LSG1: variants seen among roughly 807,000 people sequenced by gnomAD.
The protein encoded by LSG1 is large 60S subunit nuclear export GTPase 1, also known as large subunit GTPase 1 homolog.
A neutral mutation model predicts 82.6 loss-of-function variants in LSG1; 55 were observed. That is an observed-to-expected ratio of 0.67 (90% CI 0.54 to 0.83). LSG1 has a LOEUF of 0.83. LSG1 is among the 40% of genes least tolerant of loss of function. LSG1 has a pLI of 0.00. For synonymous variants in LSG1, 272 were observed against 282.5 expected (o/e 0.96, Z 0.37); for missense variants, 809 against 807.9 (o/e 1.00, Z -0.02).
chr3:194,661,372 T>C (rs1718924212), intron 5 of LSG1, among the ~76,000 whole-genome samples: 1 of 152,238 alleles, frequency 6.6e-6, no homozygotes, highest in South Asian at 2.1e-4. Context: ...ACAAACATTA[T>C]GTTTACATAC....
At chr3:194,657,051 T>C (rs1718805111) in intron 7 of LSG1, among the ~76,000 whole-genome samples, 1 of 151,864 alleles carries the variant, frequency 6.6e-6, no homozygotes, top group South Asian at 2.1e-4. Flanking sequence ...TAATGCTAAA[T>C]GACAAGTTAA....
chr3:194,657,423 T>C (rs1309979126), intron 7 of LSG1, among the ~76,000 whole-genome samples: 3 of 151,434 alleles, frequency 2.0e-5, no homozygotes, highest in Non-Finnish European at 4.4e-5. Context: ...ACAAATATCT[T>C]TCCATATAAA....
chr3:194,669,371 C>A (rs1719097798), intron 2 of LSG1, among the ~76,000 whole-genome samples: 1 of 152,134 alleles, frequency 6.6e-6, no homozygotes, highest in South Asian at 2.1e-4. Flanking sequence ...ACACATCCCC[C>A]CAAAAAACAC....
rs1334212358 is a variant in LSG1, at chr3:194,643,157, A to AAAGAGC, written c.1798-911_1798-910insGCTCTT. Reference sequence around the variant, plus strand: ...CAATTATGTGATTTAGCTCTTTTGCATGTACATTTGACCTTTAAAATACTG... The same window carrying AAAGAGC: ...CAATTATGTGATTTAGCTCTTTTGCAAAGAGCTGTACATTTGACCTTTAAAATACTG... On this transcript the variant is annotated intron_variant, in intron 13 of 13. Transcript: ENST00000265245. Among the ~76,000 whole-genome samples, 29 of 152,348 alleles carry AAAGAGC rather than the reference A, an allele frequency of 1.9e-4. No individual in the cohort carries two copies. The South Asian group carries it at 5.6e-3, about 29-fold the overall frequency.
At chr3:194,665,195 A>G (rs1260731083) in intron 5 of LSG1, among the ~76,000 whole-genome samples, 1 of 152,172 alleles carries the variant, frequency 6.6e-6, no homozygotes, top group Non-Finnish European at 1.5e-5. Context: ...GAGCTCTGAC[A>G]TTCGCCTCTC....
rs868835769 is a variant in LSG1 at position 194,645,563 on chromosome 3, C to G, written c.1623+601G>C. On this transcript the variant is annotated intron_variant, in intron 12 of 13. Coordinates refer to ENST00000265245, the MANE Select transcript of LSG1 (RefSeq NM_018385.3). ...ACACACACACACACACACACACACA[C>G]ACACACAGACAGACACACACACACA... 4.8e-4 allele frequency among the ~76,000 whole-genome samples: 28 copies of G among 58,732 alleles called. 1 individual carries two copies. The highest frequency in any genetic ancestry group is 6.3e-4 in the East Asian group (1 of 1,578). 38.5% of individuals were successfully genotyped at this position (58,732 alleles called of 152,430 possible).
At chr3:194,665,836 T>C (rs2108621773) in intron 4 of LSG1, among the ~76,000 whole-genome samples, 193 bp from the exon 5 acceptor site, 1 of 152,340 alleles carries the variant, frequency 6.6e-6, no homozygotes, top group South Asian at 2.1e-4. Flanking sequence ...CAAATTCAAA[T>C]TTTATCCTGA....
In LSG1 at chr3:194,667,945, ATATAT is replaced by A. The variant is rs1560229905; in HGVS notation, c.227-1378_227-1374del. Among the ~76,000 whole-genome samples, 511 of 73,084 alleles carry A rather than the reference ATATAT, an allele frequency of 7.0e-3. 27 individuals carry two copies. Among genetic ancestry groups the A allele is most frequent in the African/African-American group, 0.028 (478 of 17,018 alleles). The allele number at this position is 73,084 out of a possible 152,430, so 47.9% of individuals were successfully genotyped here. A position where few individuals can be genotyped will look rare whatever the true frequency, so the allele number is the denominator to read the frequency against. ...TCTCAAAAAAAAAAAAAAAAAAAAT[ATATAT>A]ATATATATATATATATATAGCTTTA... On this transcript the variant is annotated intron_variant, in intron 2 of 13. Coordinates refer to ENST00000265245, the MANE Select transcript of LSG1 (RefSeq NM_018385.3).
intron 1 of LSG1, 133 bp downstream of exon 1, chr3:194,671,931 C>T: frequency 1.3e-6 from 1 of 784,476 alleles, no homozygotes; most frequent in Admixed American, 2.2e-5. Context: ...CTCAGCTTGG[C>T]AGAAACTCCA....
At chr3:194,645,573 CAG>C (rs535893271) in intron 12 of LSG1, among the ~76,000 whole-genome samples, 2,859 of 44,782 alleles carry the variant, frequency 0.064, 493 homozygotes, top group Middle Eastern at 0.19. Context: ...CACACACAGA[CAG>C]ACACACACAC....
chr3:194,659,053 C>G lies in LSG1; in HGVS notation c.663G>C (p.Gln221His). ...CGAAGTACATGGCCCAGGCACTCCG[C>G]TGCTCAGCAGTCAGCAAGTCTGCCT... Reference protein sequence around the residue: ...INKADLLTAEQRSAWAMYFEK... With the variant: ...INKADLLTAEHRSAWAMYFEK... Residue 221 changes from glutamine to histidine, a missense_variant, in exon 7 of 14, where the codon CAG becomes CAC. Coordinates refer to ENST00000265245, the MANE Select transcript of LSG1 (RefSeq NM_018385.3). The G allele has an allele frequency of 6.2e-7, 1 of 1,614,216 alleles. No homozygotes were observed.
Position 194,670,147 on chromosome 3 carries a change from C to A in LSG1, c.100-12G>T, listed in dbSNP as rs1438962183. On this transcript the variant is annotated splice_polypyrimidine_tract_variant and intron_variant, in intron 1 of 13. Coordinates refer to ENST00000265245, the MANE Select transcript of LSG1 (RefSeq NM_018385.3). ...TCACTTGTGTGCAACTATGAAAAAACACAGGGTGATAAATACAGCTGCTCT... is the reference window on the plus strand; with the variant it reads ...TCACTTGTGTGCAACTATGAAAAAAAACAGGGTGATAAATACAGCTGCTCT... The A allele has an allele frequency of 1.5e-6, 2 of 1,309,816 alleles. No individual in the cohort carries two copies. The highest frequency in any genetic ancestry group is 5.0e-5 in the East Asian group (2 of 40,014). The allele number at this position is 1,309,816 out of a possible 1,614,324, so 81.1% of individuals were successfully genotyped here.
rs116659941 is a variant in LSG1, at chr3:194,642,866, A to G, written c.1798-619T>C. ...GTATGTACCAACTTGAAAATAATTC[A>G]AACTAGGAGCTACAAACATCTAAGT... On this transcript the variant is annotated intron_variant, in intron 13 of 13. Transcript: ENST00000265245. Among the ~76,000 whole-genome samples, 379 of 152,332 alleles carry G rather than the reference A, an allele frequency of 2.5e-3. 2 individuals carry two copies. Among genetic ancestry groups the G allele is most frequent in the African/African-American group, 8.6e-3 (359 of 41,582 alleles).
At chr3:194,645,111 T>TA (rs1295578928) in intron 12 of LSG1, 1 of 160,332 alleles carries the variant, frequency 6.2e-6, no homozygotes, top group Non-Finnish European at 1.4e-5. Flanking sequence ...GTTAGACTGT[T>TA]AAAGTCAGGA....
rs577233898 is a variant in LSG1 at position 194,641,440 on chromosome 3, G to C, written c.*628C>G. ...TGGGGGCTAGGTAGTAAATACCGCA[G>C]CTTCCCTGTCACCCGGTGGTTACAT... On this transcript the variant is annotated 3_prime_UTR_variant, in exon 14 of 14. Coordinates refer to ENST00000265245, the MANE Select transcript of LSG1 (RefSeq NM_018385.3). 6.6e-6 allele frequency: 1 copy of C among 152,268 alleles called. No individual in the cohort carries two copies. Among genetic ancestry groups the C allele is most frequent in the South Asian group, 2.1e-4 (1 of 4,822 alleles). The allele number at this position is 152,268 out of a possible 1,614,324, so 9.4% of individuals were successfully genotyped here. A position where few individuals can be genotyped will look rare whatever the true frequency, so the allele number is the denominator to read the frequency against.
At chr3:194,648,641 T>A in intron 11 of LSG1, 40 bp downstream of exon 11, 3 of 1,606,088 alleles carry the variant, frequency 1.9e-6, no homozygotes, top group Non-Finnish European at 2.6e-6. Flanking sequence ...TTAGGTATAC[T>A]GTTACTTTTG....
intron 7 of LSG1, among the ~76,000 whole-genome samples, chr3:194,658,600 T>C (rs958400426): frequency 3.3e-5 from 5 of 152,216 alleles, no homozygotes; most frequent in Non-Finnish European, 5.9e-5. Flanking sequence ...TCTAATCAAG[T>C]CCTGAGAACT....
At chr3:194,660,224 A>C in intron 5 of LSG1, 91 bp from the exon 6 acceptor site, 2 of 970,652 alleles carry the variant, frequency 2.1e-6, no homozygotes, top group South Asian at 1.3e-5. Context: ...AAACCCTGGC[A>C]ATATATTAAG....
intron 13 of LSG1, 43 bp downstream of exon 13, chr3:194,644,524 TATAAAA>T (rs772339333): frequency 1.4e-6 from 2 of 1,478,954 alleles, no homozygotes; most frequent in African/African-American, 2.8e-5. Flanking sequence ...ATAAAGCTGT[TATAAAA>T]AGAGTGTTGG....
Sources: gnomAD v4.1 joint callset for allele counts (sites outside exome capture counted in the v4.1 genomes callset) on GRCh38, gnomAD v4.1.1 for gene constraint, MANE v1.5 for transcripts, NCBI Gene and HGNC (gene_info 2026-07-23, HGNC 2026-07-21) for gene names.